The following IQCE variants were observed in gnomAD, a reference collection of about 807,000 sequenced individuals.
The protein encoded by IQCE is IQ motif containing E, also known as IQ domain-containing protein E.
A neutral mutation model predicts 96.0 loss-of-function variants in IQCE; 115 were observed. That is an observed-to-expected ratio of 1.20 (90% confidence interval 1.03 to 1.40). The LOEUF is 1.40. Among genes scored for constraint, IQCE ranks in the 40% most tolerant of loss-of-function variants. The probability of loss-of-function intolerance (pLI) is 0.00; values close to 1 mark genes in which losing one functional copy is unlikely to be tolerated. For missense variants in IQCE, 1,041 were observed against 909.1 expected, an observed-to-expected ratio of 1.15 and a Z score of -1.87; for synonymous variants, 412 against 371.2, an observed-to-expected ratio of 1.11 and a Z score of -1.26.
Position 2,559,012 on chromosome 7 carries a change from G to C in IQCE, c.-170G>C, listed in dbSNP as rs1295967651. 2 of 354,722 alleles carry C rather than the reference G, an allele frequency of 5.6e-6. No homozygotes were observed. Among genetic ancestry groups the C allele is most frequent in the South Asian group, 1.5e-4 (1 of 6,824 alleles). The allele number at this position is 354,722 out of a possible 1,614,324, so 22.0% of individuals were successfully genotyped here. A position where few individuals can be genotyped will look rare whatever the true frequency, so the allele number is the denominator to read the frequency against. ...GCATGGTCGCCCCAGGGGGAACGCA[G>C]GTCGCTTACCCGGCTGGGTAGGTCG... On this transcript the variant is annotated 5_prime_UTR_variant, in exon 1 of 22. Coordinates refer to ENST00000402050, the MANE Select transcript of IQCE (RefSeq NM_152558.5).
At chr7:2,601,150 T>G (rs1784402929) in intron 17 of IQCE, among the ~76,000 whole-genome samples, 1 of 152,212 alleles carries the variant, frequency 6.6e-6, no homozygotes, top group Admixed American at 6.5e-5. Flanking sequence ...TGGAGTCCCT[T>G]CTGCACAGCC....
chr7:2,605,477 G>A (rs567056851), intron 19 of IQCE, among the ~76,000 whole-genome samples: 6 of 152,118 alleles, frequency 3.9e-5, no homozygotes, highest in Admixed American at 1.3e-4. Flanking sequence ...AAAATTAGCC[G>A]GGCGTGGTGG....
intron 5 of IQCE, chr7:2,572,682 C>T (rs1310012252): frequency 2.1e-6 from 1 of 470,926 alleles, no homozygotes; most frequent in African/African-American, 2.0e-5. Flanking sequence ...CAAAGAGAAT[C>T]AGCTTGTTTC....
Position 2,589,966 on chromosome 7 carries a change from G to T in IQCE, c.1104G>T (p.Pro368=). Residue 368 remains proline, a synonymous_variant, in exon 14 of 22, where the codon CCG becomes CCT. Coordinates refer to ENST00000402050, the MANE Select transcript of IQCE (RefSeq NM_152558.5). ...SHAAEPVRSH[P]PACLASSSAL... is the part of the protein sequence containing the mutation. ...CCGCAGAGCCAGTCAGATCACACCC[G>T]CCAGCCTGCCTTGCATCCAGCTCTG... 1.2e-6 allele frequency: 2 copies of T among 1,613,962 alleles called. No individual in the cohort carries two copies. Among genetic ancestry groups the T allele is most frequent in the Non-Finnish European group, 1.7e-6 (2 of 1,180,014 alleles).
Position 2,591,295 on chromosome 7 carries a change from G to T in IQCE, c.1244+1189G>T, listed in dbSNP as rs935768772. The stretch of plus-strand genomic sequence containing the variant: ...AGACATAAATGCTATGAAATAGTTG[G>T]TGTGACCACAGGGCTGGGAAGGCAG... On this transcript the variant is annotated intron_variant, in intron 14 of 21. Transcript: ENST00000402050. 3.3e-5 allele frequency among the ~76,000 whole-genome samples: 5 copies of T among 152,196 alleles called. No homozygotes were observed. The South Asian group carries it at 8.3e-4, about 25-fold the overall frequency.
chr7:2,595,257 T>C lies in IQCE; in HGVS notation c.1440+281T>C, dbSNP rs144738121. 1.2e-3 allele frequency among the ~76,000 whole-genome samples: 180 copies of C among 152,312 alleles called. 1 individual carries two copies. The Middle Eastern group carries it at 0.037, about 32-fold the overall frequency. ...CTTGGTCATGCGGAGGGTGTAGTTA[T>C]GCGGCCGGAGCTGTCACTGAGAGGC... On this transcript the variant is annotated intron_variant, in intron 16 of 21. Coordinates refer to ENST00000402050, the MANE Select transcript of IQCE (RefSeq NM_152558.5).
intron 3 of IQCE, 74 bp from the exon 4 acceptor site, chr7:2,571,452 T>C: frequency 6.3e-7 from 1 of 1,580,878 alleles, no homozygotes; most frequent in Non-Finnish European, 8.5e-7. Context: ...CCTATTTCTG[T>C]CTTTCTGAAG....
At chr7:2,591,901 CGTG>C (rs1783616883) in intron 14 of IQCE, among the ~76,000 whole-genome samples, 3 of 151,188 alleles carry the variant, frequency 2.0e-5, no homozygotes, top group Non-Finnish European at 4.4e-5. Flanking sequence ...GGATTACAGG[CGTG>C]AGCCACCGCA....
At chr7:2,602,684 T>C (rs901829169) in intron 18 of IQCE, among the ~76,000 whole-genome samples, 5 of 152,322 alleles carry the variant, frequency 3.3e-5, no homozygotes, top group African/African-American at 1.2e-4. Context: ...CCCTTCCCCT[T>C]GGCCACATTA....
intron 8 of IQCE, among the ~76,000 whole-genome samples, chr7:2,581,491 C>T (rs1782658923): frequency 6.6e-6 from 1 of 152,128 alleles, no homozygotes. Context: ...TAGGCGTGAG[C>T]CACTGCACCC....
intron 19 of IQCE, 126 bp from the exon 20 acceptor site, chr7:2,605,750 G>A (rs2128472880): frequency 1.0e-6 from 1 of 985,282 alleles, no homozygotes; most frequent in East Asian, 3.3e-5. Flanking sequence ...CGGGAGGCAG[G>A]GCCATCTGAA....
rs748365290 is a variant in IQCE at position 2,594,906 on chromosome 7, C to A, written c.1370C>A (p.Thr457Asn). 6.8e-6 allele frequency: 11 copies of A among 1,611,406 alleles called. No homozygotes were observed. Among genetic ancestry groups the A allele is most frequent in the South Asian group, 5.5e-5 (5 of 91,052 alleles). ...CTTAGAGAGGAGATTCAGACACTTA[C>A]CAGCAAGCTCCAAGAATTGCAAGAA... is the stretch of plus-strand genomic sequence containing the variant. ...EVLREEIQTLTSKLQELQEMK... is the reference protein window; with the variant it reads ...EVLREEIQTLNSKLQELQEMK... The change falls in exon 16 of 22, where the codon ACC becomes AAC. Residue 457 changes from threonine (T) to asparagine (N), a missense_variant. Coordinates refer to ENST00000402050, the MANE Select transcript of IQCE (RefSeq NM_152558.5).
Position 2,613,071 on chromosome 7 carries a change from A to G in IQCE, c.*2909A>G, listed in dbSNP as rs1289700452. The G allele has an allele frequency of 6.6e-6, 1 of 152,196 alleles. No individual in the cohort carries two copies. Among genetic ancestry groups the G allele is most frequent in the East Asian group, 1.9e-4 (1 of 5,192 alleles). 9.4% of individuals were successfully genotyped at this position (152,196 alleles called of 1,614,324 possible). On this transcript the variant is annotated 3_prime_UTR_variant, in exon 22 of 22. Transcript: ENST00000402050. ...ACTTCAAGAACAGCAGCAAAGCTGT[A>G]TCTGCTATCAGAGGCTGTTAGGTAG...
rs1440710560 is a variant in IQCE, at chr7:2,582,699, C to T, written c.701+49C>T. The T allele has an allele frequency of 2.6e-6, 4 of 1,536,040 alleles. No homozygotes were observed. In the African/African-American group the frequency reaches 5.5e-5, roughly 21 times the overall value. ...CCCCTGCCTTCCGCCCCGTGTTCTG[C>T]TTGCTCAGACGCCCGCCTTTGTTCC... On this transcript the variant is annotated intron_variant, in intron 9 of 21. Coordinates refer to ENST00000402050, the MANE Select transcript of IQCE (RefSeq NM_152558.5).
chr7:2,570,693 C>T (rs1245116492), intron 3 of IQCE, among the ~76,000 whole-genome samples: 5 of 151,982 alleles, frequency 3.3e-5, no homozygotes, highest in Admixed American at 6.6e-5. Flanking sequence ...TTTTTGCATA[C>T]GTTTATTATC....
chr7:2,587,876 A>G lies in IQCE; in HGVS notation c.1043A>G (p.Lys348Arg), dbSNP rs1269970307. ...CTGAGGCGCATTGTGGAGCTGGAGA[A>G]GGTGAGCGGGCGTCTCAGTGCCACT... is the stretch of plus-strand genomic sequence containing the variant. ...RLLRRIVELEKKLSVMESSKS... is the reference protein window; with the variant it reads ...RLLRRIVELERKLSVMESSKS... Residue 348 changes from lysine to arginine, a missense_variant and splice_region_variant, in exon 13 of 22, where the codon AAG becomes AGG. Transcript: ENST00000402050. The G allele has an allele frequency of 6.2e-7, 1 of 1,614,028 alleles. No homozygotes were observed. The highest frequency in any genetic ancestry group is 8.5e-7 in the Non-Finnish European group (1 of 1,179,922).
At chr7:2,593,642 C>T (rs980757758) in intron 15 of IQCE, among the ~76,000 whole-genome samples, 29 of 152,238 alleles carry the variant, frequency 1.9e-4, no homozygotes, top group Non-Finnish European at 2.6e-4. Context: ...CACAAAAGGC[C>T]GCGTAGCACA....
intron 18 of IQCE, among the ~76,000 whole-genome samples, chr7:2,603,973 T>C (rs4719601): frequency 0.73 from 109,351 of 149,054 alleles, 40,112 homozygotes; most frequent in African/African-American, 0.77. Flanking sequence ...GTGAACTTCT[T>C]ACGGAGCTTC....
intron 1 of IQCE, among the ~76,000 whole-genome samples, chr7:2,563,813 G>A (rs368434249): frequency 7.0e-6 from 1 of 143,142 alleles, no homozygotes. Flanking sequence ...AGAATGGTGT[G>A]AACCCGGGAG....
Sources: allele counts gnomAD v4.1 joint callset (sites outside exome capture counted in the v4.1 genomes callset), GRCh38; gene constraint gnomAD v4.1.1; transcripts MANE v1.5; gene names NCBI Gene and HGNC (gene_info 2026-07-23, HGNC 2026-07-21).